Variants in PCM1 observed in about 807,000 individuals in gnomAD.
PCM1 encodes the protein pericentriolar material 1 protein.
PCM1 carries 157 observed loss-of-function variants against 241.9 expected under a neutral mutation model. The ratio of observed to expected loss-of-function variants is 0.65; its 90% CI spans 0.57 to 0.74. PCM1 has a LOEUF of 0.74. Among genes scored for constraint, PCM1 ranks in the 30% least tolerant of loss-of-function variants. The pLI, the probability that PCM1 is intolerant of heterozygous loss-of-function variation, is 0.00. For synonymous variants in PCM1, 1,085 were observed against 784.9 expected (o/e 1.38, Z -6.39); for missense variants, 3,478 against 2,360.1 (o/e 1.47, Z -9.81).
At position 17,961,304 on chromosome 8, in the gene PCM1, C is replaced by CTTTTTTTTTTTTTT. The variant is rs35468848; in HGVS notation, c.2323-719_2323-706dup. On this transcript the variant is annotated intron_variant, in intron 15 of 38. Transcript: ENST00000325083. ...TATTTTCCCAGAGTTTATTGGCTAG[C>CTTTTTTTTTTTTTT]TTTTTTTTTTTTTTTTTTTTTTTTG... is the stretch of plus-strand genomic sequence containing the variant. 6.3e-5 allele frequency among the ~76,000 whole-genome samples: 5 copies of CTTTTTTTTTTTTTT among 79,140 alleles called. 1 individual carries two copies. The highest frequency in any genetic ancestry group is 1.6e-4 in the African/African-American group (3 of 18,978). The allele number at this position is 79,140 out of a possible 152,430, so 51.9% of individuals were successfully genotyped here.
chr8:18,020,018 C>G (rs1480483067), intron 36 of PCM1, among the ~76,000 whole-genome samples: 1 of 152,172 alleles, frequency 6.6e-6, no homozygotes, highest in Non-Finnish European at 1.5e-5. Flanking sequence ...CTGGCTTCCC[C>G]CTTGCCTGAA....
rs201124333 is a variant in PCM1 at position 18,009,725 on chromosome 8, T to C, written c.5141T>C (p.Ile1714Thr). 84 of 1,465,488 alleles carry C rather than the reference T, an allele frequency of 5.7e-5. No homozygotes were observed. The highest frequency in any genetic ancestry group is 7.0e-5 in the Non-Finnish European group (77 of 1,107,348). 90.8% of individuals were successfully genotyped at this position (1,465,488 alleles called of 1,614,324 possible). Residue 1714 changes from isoleucine (I) to threonine (T), a missense_variant, in exon 31 of 39, where the codon ATA becomes ACA. Physicochemically the swap from Ile to Thr is moderately conservative, Grantham distance 89. Transcript: ENST00000325083. ...AGGAAAATAGAAGCAACTGGAGTGA[T>C]ACAATCTTGTGCCAAAGAGGTAAAT... ...CKRKIEATGV[I>T]QSCAKEAKRI...
At chr8:17,985,696 T>C in intron 25 of PCM1, 77 bp downstream of exon 25, 10 of 1,118,436 alleles carry the variant, frequency 8.9e-6, no homozygotes, top group Middle Eastern at 2.0e-4. Flanking sequence ...TGTCTTAGAC[T>C]GAAGCATGTG....
Position 17,957,719 on chromosome 8 carries a change from C to G in PCM1, c.1984C>G (p.Leu662Val), listed in dbSNP as rs767699208. 9 of 1,613,606 alleles carry G rather than the reference C, an allele frequency of 5.6e-6. No individual in the cohort carries two copies. Among genetic ancestry groups the G allele is most frequent in the Non-Finnish European group, 7.6e-6 (9 of 1,179,778 alleles). ...DAEFEQKINR[L>V]MAAKQKLRQL... ...TGAATTTGAACAGAAGATCAACCGA[C>G]TTATGGCTGCAAAACAGAAACTTAG... The change falls in exon 13 of 39, where the codon CTT becomes GTT. Residue 662 changes from leucine (L) to valine (V), a missense_variant. Transcript: ENST00000325083.
intron 30 of PCM1, among the ~76,000 whole-genome samples, chr8:18,008,194 C>G (rs1322057873): frequency 6.6e-5 from 10 of 152,244 alleles, no homozygotes; most frequent in African/African-American, 2.4e-4. Context: ...CCACGGCTCT[C>G]ATTACCGCCT....
chr8:17,961,519 G>A (rs149902016), intron 15 of PCM1, among the ~76,000 whole-genome samples: 82 of 152,138 alleles, frequency 5.4e-4, no homozygotes, highest in African/African-American at 1.8e-3. Flanking sequence ...CACCGTGTTA[G>A]CCAAGATGGT....
intron 15 of PCM1, 98 bp from the exon 16 acceptor site, chr8:17,961,936 G>A: frequency 4.2e-6 from 4 of 944,406 alleles, no homozygotes; most frequent in Non-Finnish European, 4.7e-6. Flanking sequence ...ATTAAATATG[G>A]CACTAGAGCC....
rs756849356 is a variant in PCM1, at chr8:18,006,379, A to G, written c.4944A>G (p.Gln1648=). 7 of 1,611,420 alleles carry G rather than the reference A, an allele frequency of 4.3e-6. No individual in the cohort carries two copies. The African/African-American group carries it at 5.3e-5, about 12-fold the overall frequency. ...AGTTTGTAAAGTTCTTTCATAAACA[A>G]CTTGGAAGTATATTACAGGTAAGAG... ...SKEFVKFFHK[Q]LGSILQDSLA... is the part of the protein sequence containing the mutation. The change falls in exon 30 of 39, where the codon CAA becomes CAG. Residue 1648 remains glutamine, a synonymous_variant. Transcript: ENST00000325083.
chr8:17,957,278 C>T lies in PCM1; in HGVS notation c.1661C>T (p.Ala554Val), dbSNP rs1327989067. Residue 554 changes from alanine to valine, a missense_variant, in exon 12 of 39, where the codon GCT becomes GTT. Ala to Val is a moderately conservative substitution (Grantham distance 64). Transcript: ENST00000325083. ...PVTNIRNPQV[A>V]STWNEVNSHS... ...CTTTCTTCTAGAAATCCACAAGTAG[C>T]TTCCACTTGGAATGAAGTAAATAGT... 6.3e-7 allele frequency: 1 copy of T among 1,588,884 alleles called. No individual in the cohort carries two copies. The highest frequency in any genetic ancestry group is 1.3e-5 in the African/African-American group (1 of 74,272).
At chr8:17,936,037 G>A (rs997414881) in intron 3 of PCM1, among the ~76,000 whole-genome samples, 3 of 152,282 alleles carry the variant, frequency 2.0e-5, no homozygotes, top group South Asian at 2.1e-4. Context: ...CTCTGCTTTT[G>A]AGTGCATCTG....
At position 18,027,859 on chromosome 8, in the gene PCM1, T is replaced by C; in HGVS notation, c.*197T>C. Reference sequence around the variant, plus strand: ...TGGACAGATTTAAGCCTTGACACACTGTGTTTTTTTTTTTTTCCCCCTTCT... The same window carrying C: ...TGGACAGATTTAAGCCTTGACACACCGTGTTTTTTTTTTTTTCCCCCTTCT... On this transcript the variant is annotated 3_prime_UTR_variant, in exon 39 of 39. Transcript: ENST00000325083. 7.5e-6 allele frequency: 3 copies of C among 400,154 alleles called. No individual in the cohort carries two copies. Among genetic ancestry groups the C allele is most frequent in the Non-Finnish European group, 1.3e-5 (3 of 226,072 alleles). 24.8% of individuals were successfully genotyped at this position (400,154 alleles called of 1,614,324 possible).
intron 24 of PCM1, among the ~76,000 whole-genome samples, chr8:17,984,278 A>G (rs536496319): frequency 4.4e-4 from 67 of 152,188 alleles, no homozygotes; most frequent in African/African-American, 1.5e-3. Flanking sequence ...TATAGTATAT[A>G]AGATAAAAGT....
chr8:17,988,888 A>T (rs945567281), intron 26 of PCM1, among the ~76,000 whole-genome samples: 2 of 152,000 alleles, frequency 1.3e-5, no homozygotes, highest in African/African-American at 2.4e-5. Flanking sequence ...AACCACTTGG[A>T]AAGCAGTTTG....
intron 2 of PCM1, chr8:17,925,430 GA>G (rs1172497966): frequency 6.6e-6 from 1 of 152,178 alleles, no homozygotes; most frequent in East Asian, 1.9e-4. Context: ...AAGATAATTA[GA>G]AGTTTGTTAA....
Position 18,029,357 on chromosome 8 carries a change from G to A in PCM1, c.*1695G>A, listed in dbSNP as rs2094404688. On this transcript the variant is annotated 3_prime_UTR_variant, in exon 39 of 39. Coordinates refer to ENST00000325083, the MANE Select transcript of PCM1 (RefSeq NM_006197.4). ...CAGAATTCGGAGTTCTTATCCAGGT[G>A]CTCTAACTAACTTCAGGGAAATTGG... 1 of 212,144 alleles carries A rather than the reference G, an allele frequency of 4.7e-6. No individual in the cohort carries two copies. Among genetic ancestry groups the A allele is most frequent in the East Asian group, 7.0e-5 (1 of 14,210 alleles). 13.1% of individuals were successfully genotyped at this position (212,144 alleles called of 1,614,324 possible). A position where few individuals can be genotyped will look rare whatever the true frequency, so the allele number is the denominator to read the frequency against.
At chr8:17,954,576 G>C (rs2067329281) in intron 9 of PCM1, among the ~76,000 whole-genome samples, 1 of 152,182 alleles carries the variant, frequency 6.6e-6, no homozygotes, top group African/African-American at 2.4e-5. Flanking sequence ...AGCAGTGTGA[G>C]AGCAGCAGCA....
intron 34 of PCM1, chr8:18,013,703 G>C (rs2092793356): frequency 3.1e-6 from 1 of 321,526 alleles, no homozygotes; most frequent in Non-Finnish European, 5.6e-6. Flanking sequence ...TTTAGAGTCT[G>C]AAAAAAAATG....
At chr8:18,012,492 T>C (rs909132702) in intron 34 of PCM1, among the ~76,000 whole-genome samples, 3 of 152,114 alleles carry the variant, frequency 2.0e-5, no homozygotes, top group African/African-American at 7.2e-5. Context: ...ACAGTATAAA[T>C]GGGGTTTGGT....
chr8:17,930,010 T>C (rs1235069052), intron 2 of PCM1, among the ~76,000 whole-genome samples: 1 of 152,098 alleles, frequency 6.6e-6, no homozygotes, highest in East Asian at 1.9e-4. Context: ...AGGTGGGGAC[T>C]ATAGTCACCA....
Sources: allele counts gnomAD v4.1 joint callset (sites outside exome capture counted in the v4.1 genomes callset), GRCh38; gene constraint gnomAD v4.1.1; transcripts MANE v1.5; gene names NCBI Gene and HGNC (gene_info 2026-07-23, HGNC 2026-07-21).